CNTNAP2: variants seen among roughly 807,000 people sequenced by gnomAD.
CNTNAP2 encodes contactin-associated protein-like 2.
In CNTNAP2, 98 loss-of-function variants were observed where a neutral mutation model predicts 155.2. The observed-to-expected ratio is 0.63, with a 90% CI of 0.54 to 0.75. The LOEUF is 0.75. CNTNAP2 is among the 30% of genes least tolerant of loss of function. The pLI, the probability that CNTNAP2 is intolerant of heterozygous loss-of-function variation, is 0.00. For missense variants in CNTNAP2, 1,727 were observed against 1,688.1 expected, an observed-to-expected ratio of 1.02 and a Z score of -0.40; for synonymous variants, 651 against 631.2, an observed-to-expected ratio of 1.03 and a Z score of -0.47.
At chr7:148,109,805 C>T (rs979278163) in intron 15 of CNTNAP2, among the ~76,000 whole-genome samples, 2 of 152,202 alleles carry the variant, frequency 1.3e-5, no homozygotes, top group Non-Finnish European at 2.9e-5. Context: ...TATCTAAAGA[C>T]ATAAGTGACT....
intron 3 of CNTNAP2, among the ~76,000 whole-genome samples, chr7:147,017,983 A>T (rs1439296016): frequency 6.6e-6 from 1 of 152,032 alleles, no homozygotes; most frequent in Non-Finnish European, 1.5e-5. Context: ...CAGAAAAAAA[A>T]TCTTTTGTAA....
At chr7:147,322,041 T>G (rs1795361153) in intron 9 of CNTNAP2, among the ~76,000 whole-genome samples, 1 of 152,214 alleles carries the variant, frequency 6.6e-6, no homozygotes, top group Non-Finnish European at 1.5e-5. Context: ...TTTTTCCATA[T>G]TTCTGCTTTA....
intron 21 of CNTNAP2, among the ~76,000 whole-genome samples, chr7:148,283,790 C>T (rs1404375308): frequency 2.0e-5 from 3 of 152,172 alleles, no homozygotes; most frequent in Non-Finnish European, 2.9e-5. Flanking sequence ...GTTAGATGAG[C>T]TGTCTTTAGG....
chr7:146,955,801 G>A (rs1797421848), intron 3 of CNTNAP2, among the ~76,000 whole-genome samples: 1 of 151,954 alleles, frequency 6.6e-6, no homozygotes, highest in African/African-American at 2.4e-5. Context: ...AGTTTAATTT[G>A]TGCAGTGTCG....
chr7:148,284,769 A>G (rs1797052302), intron 21 of CNTNAP2, among the ~76,000 whole-genome samples: 1 of 152,186 alleles, frequency 6.6e-6, no homozygotes, highest in Non-Finnish European at 1.5e-5. Flanking sequence ...ACGACCTGGA[A>G]TTTAAACTTT....
intron 1 of CNTNAP2, among the ~76,000 whole-genome samples, chr7:146,405,551 G>A (rs77968121): frequency 0.03 from 4,594 of 152,214 alleles, 141 homozygotes; most frequent in African/African-American, 0.083. Flanking sequence ...AATATTACAC[G>A]TAGGTATTAT....
chr7:148,315,593 A>G (rs2116525968), intron 21 of CNTNAP2, among the ~76,000 whole-genome samples: 1 of 152,348 alleles, frequency 6.6e-6, no homozygotes, highest in Admixed American at 6.5e-5. Context: ...ATGATGGCTT[A>G]GCTTGGGCTC....
intron 13 of CNTNAP2, among the ~76,000 whole-genome samples, chr7:147,706,449 T>G (rs1308166081): frequency 6.6e-6 from 1 of 152,100 alleles, no homozygotes; most frequent in Non-Finnish European, 1.5e-5. Flanking sequence ...TTTCAATATA[T>G]CATCTCATTC....
chr7:147,619,742 C>G (rs1177176591), intron 12 of CNTNAP2, among the ~76,000 whole-genome samples: 1 of 152,166 alleles, frequency 6.6e-6, no homozygotes, highest in Admixed American at 6.5e-5. Context: ...CTACCTGGGA[C>G]CTCGGGTGAC....
At chr7:146,773,414 A>T (rs922150434) in intron 1 of CNTNAP2, among the ~76,000 whole-genome samples, 2 of 152,104 alleles carry the variant, frequency 1.3e-5, no homozygotes, top group African/African-American at 4.8e-5. Flanking sequence ...TTGATTTTTG[A>T]GACGGAGTTT....
intron 3 of CNTNAP2, among the ~76,000 whole-genome samples, chr7:147,023,655 A>G (rs896710719): frequency 6.6e-6 from 1 of 152,046 alleles, no homozygotes; most frequent in East Asian, 1.9e-4. Context: ...TCATCACTAA[A>G]TCTGTTCTGC....
At chr7:146,460,315 T>C (rs189330064) in intron 1 of CNTNAP2, among the ~76,000 whole-genome samples, 168 of 152,330 alleles carry the variant, frequency 1.1e-3, no homozygotes, top group Non-Finnish European at 1.6e-3. Context: ...AATTCTTGTA[T>C]ACTGCTGGTG....
At chr7:147,093,779 GTGTGAT>G (rs1179954605) in intron 4 of CNTNAP2, among the ~76,000 whole-genome samples, 1 of 152,122 alleles carries the variant, frequency 6.6e-6, no homozygotes, top group Non-Finnish European at 1.5e-5. Context: ...GAGACTCAAG[GTGTGAT>G]TCATCCAGGG....
chr7:147,408,593 TA>T (rs1442762590), intron 10 of CNTNAP2, among the ~76,000 whole-genome samples: 2 of 152,000 alleles, frequency 1.3e-5, no homozygotes, highest in African/African-American at 4.8e-5. Context: ...ACCCTGTCTC[TA>T]AAAAATATAA....
At chr7:147,752,147 C>T (rs79864974) in intron 13 of CNTNAP2, among the ~76,000 whole-genome samples, 1,682 of 152,292 alleles carry the variant, frequency 0.011, 95 homozygotes, top group Admixed American at 0.088. Flanking sequence ...TCTCTACAAT[C>T]GGTTTCTTTG....
intron 3 of CNTNAP2, among the ~76,000 whole-genome samples, chr7:146,862,527 A>G (rs1562977529): frequency 2.0e-5 from 3 of 152,204 alleles, no homozygotes; most frequent in Non-Finnish European, 2.9e-5. Context: ...ATGACACTCA[A>G]TGCAAAATAT....
chr7:147,889,789 G>A (rs554374763), intron 13 of CNTNAP2, among the ~76,000 whole-genome samples: 8 of 152,162 alleles, frequency 5.3e-5, no homozygotes, highest in South Asian at 2.1e-4. Flanking sequence ...AAATAGCTGC[G>A]TGTGGCTATT....
At chr7:146,791,362 C>A (rs1354738885) in intron 2 of CNTNAP2, among the ~76,000 whole-genome samples, 1 of 152,140 alleles carries the variant, frequency 6.6e-6, no homozygotes, top group Non-Finnish European at 1.5e-5. Context: ...TGGGTTGATT[C>A]CAAGTCCTTG....
chr7:147,874,237 G>A (rs1394317129), intron 13 of CNTNAP2, among the ~76,000 whole-genome samples: 1 of 152,192 alleles, frequency 6.6e-6, no homozygotes, highest in African/African-American at 2.4e-5. Context: ...TGTGTGGGGG[G>A]TTCCAACCCC....
Sources: allele counts gnomAD v4.1 joint callset (sites outside exome capture counted in the v4.1 genomes callset), GRCh38; gene constraint gnomAD v4.1.1; transcripts MANE v1.5; gene names NCBI Gene and HGNC (gene_info 2026-07-23, HGNC 2026-07-21).